The following SLC8A1 variants were observed in gnomAD, a reference collection of about 807,000 sequenced individuals.
SLC8A1 encodes the protein solute carrier family 8 member A1.
A neutral mutation model predicts 68.3 loss-of-function variants in SLC8A1; 18 were observed. The ratio of observed to expected loss-of-function variants is 0.26; its 90% CI spans 0.18 to 0.39. SLC8A1 has a LOEUF of 0.39. Among genes scored for constraint, SLC8A1 ranks in the 10% least tolerant of loss-of-function variants. The pLI, the probability that SLC8A1 is intolerant of heterozygous loss-of-function variation, is 1.00. For synonymous variants in SLC8A1, 475 were observed against 415.5 expected (o/e 1.14, Z -1.74); for missense variants, 985 against 1,156.7 (o/e 0.85, Z 2.15).
intron 2 of SLC8A1, among the ~76,000 whole-genome samples, chr2:40,314,726 C>G (rs78748297): frequency 1.4e-3 from 215 of 152,074 alleles, no homozygotes; most frequent in African/African-American, 4.9e-3. Flanking sequence ...ATCTTTTGGT[C>G]AGATTTATCC....
At chr2:40,310,461 AGAGAAAGAACAGTGGGT>A (rs1200601099) in intron 2 of SLC8A1, among the ~76,000 whole-genome samples, 1 of 152,208 alleles carries the variant, frequency 6.6e-6, no homozygotes, top group African/African-American at 2.4e-5. Context: ...ATCAATTAAG[AGAGAAAGAACAGTGGGT>A]GAGAAGAGGT....
intron 2 of SLC8A1, among the ~76,000 whole-genome samples, chr2:40,240,565 A>C (rs903178584): frequency 5.9e-5 from 9 of 152,212 alleles, no homozygotes; most frequent in African/African-American, 2.2e-4. Context: ...TCTATTGTTC[A>C]CATGTTTGGA....
intron 2 of SLC8A1, chr2:40,189,759 T>C (rs2148640132): frequency 6.6e-6 from 1 of 152,342 alleles, no homozygotes; most frequent in Non-Finnish European, 1.5e-5. Flanking sequence ...TTGCCAAGAA[T>C]ATTATGAATT....
chr2:40,174,793 G>A, intron 4 of SLC8A1, 32 bp downstream of exon 5: 4 of 1,604,942 alleles, frequency 2.5e-6, no homozygotes, highest in South Asian at 2.2e-5. Context: ...GACAGTAAAA[G>A]TTAGATAGCA....
At chr2:40,282,143 T>A (rs1263826806) in intron 2 of SLC8A1, among the ~76,000 whole-genome samples, 1 of 151,732 alleles carries the variant, frequency 6.6e-6, no homozygotes, top group Admixed American at 6.6e-5. Flanking sequence ...TTTTTCTGAC[T>A]TTTTTTTTCT....
At chr2:40,197,928 T>C (rs1462052312) in intron 2 of SLC8A1, among the ~76,000 whole-genome samples, 1 of 131,352 alleles carries the variant, frequency 7.6e-6, no homozygotes, top group East Asian at 2.1e-4. Context: ...GGGAATAGCT[T>C]TTGTGGAAAG....
chr2:40,239,918 A>C (rs1275426504), intron 2 of SLC8A1, among the ~76,000 whole-genome samples: 2 of 152,214 alleles, frequency 1.3e-5, no homozygotes, highest in African/African-American at 4.8e-5. Context: ...GAATATCTTA[A>C]TGTAAGAAGA....
At chr2:40,485,810 G>T (rs562907534) in intron 1 of SLC8A1, among the ~76,000 whole-genome samples, 16 of 152,092 alleles carry the variant, frequency 1.1e-4, no homozygotes, top group Non-Finnish European at 2.4e-4. Flanking sequence ...TTTATATGTA[G>T]CATTTTTTTT....
intron 2 of SLC8A1, among the ~76,000 whole-genome samples, chr2:40,255,977 G>T (rs1028488703): frequency 6.6e-6 from 1 of 152,156 alleles, no homozygotes; most frequent in Non-Finnish European, 1.5e-5. Context: ...TGGTACAGAG[G>T]TGTCAGTCTG....
chr2:40,398,745 A>G (rs1056678839), intron 2 of SLC8A1, among the ~76,000 whole-genome samples: 1 of 152,202 alleles, frequency 6.6e-6, no homozygotes, highest in Non-Finnish European at 1.5e-5. Context: ...AACCATCCCC[A>G]TATTGATATT....
At chr2:40,303,917 C>G (rs1156964217) in intron 2 of SLC8A1, among the ~76,000 whole-genome samples, 1 of 152,162 alleles carries the variant, frequency 6.6e-6, no homozygotes, top group East Asian at 1.9e-4. Context: ...GTCTGGGCAG[C>G]AGACAATTCT....
intron 2 of SLC8A1, among the ~76,000 whole-genome samples, chr2:40,253,150 C>CATATATATGTATATACGTATATGTAT (rs1289357303): frequency 9.8e-6 from 1 of 102,190 alleles, no homozygotes; most frequent in Non-Finnish European, 2.0e-5. Context: ...TATGTATATA[C>CATATATATGTATATACGTATATGTAT]ATACATATAT....
chr2:40,280,225 A>G (rs1369710242), intron 2 of SLC8A1, among the ~76,000 whole-genome samples: 5 of 146,334 alleles, frequency 3.4e-5, no homozygotes, highest in African/African-American at 5.0e-5. Flanking sequence ...AAAGAATCTA[A>G]TGATAAAACC....
At chr2:40,506,175 C>A (rs1706357258) in intron 1 of SLC8A1, among the ~76,000 whole-genome samples, 2 of 150,710 alleles carry the variant, frequency 1.3e-5, no homozygotes, top group Non-Finnish European at 3.0e-5. Context: ...TCTTTTCCAA[C>A]CAAATTTTGA....
chr2:40,362,105 G>A (rs1575701653), intron 2 of SLC8A1, among the ~76,000 whole-genome samples: 1 of 151,388 alleles, frequency 6.6e-6, no homozygotes, highest in Non-Finnish European at 1.5e-5. Context: ...ATGTTGGCCA[G>A]GCTGGTCTCG....
intron 2 of SLC8A1, among the ~76,000 whole-genome samples, chr2:40,289,495 C>G (rs898587434): frequency 1.3e-5 from 2 of 151,936 alleles, no homozygotes; most frequent in Non-Finnish European, 2.9e-5. Context: ...GCTACTGTCT[C>G]CAGACAATCC....
At position 40,255,603 on chromosome 2, in the gene SLC8A1, T is replaced by C. The variant is rs566559113; in HGVS notation, c.1809-77748A>G. 5.9e-5 allele frequency among the ~76,000 whole-genome samples: 9 copies of C among 152,298 alleles called. No individual in the cohort carries two copies. The South Asian group carries it at 1.9e-3, about 32-fold the overall frequency. ...TTACTTCACCTCTCTGGAGTTTATTTTTCTTATTTGTATAGTGAAGGCCTC... is the reference window on the plus strand; with the variant it reads ...TTACTTCACCTCTCTGGAGTTTATTCTTCTTATTTGTATAGTGAAGGCCTC... On this transcript the variant is annotated intron_variant, in intron 2 of 7. Transcript: ENST00000406785.
At chr2:40,140,229 T>A (rs990969349) in intron 6 of SLC8A1, among the ~76,000 whole-genome samples, 1 of 152,218 alleles carries the variant, frequency 6.6e-6, no homozygotes. Context: ...AGCCTTGGAA[T>A]TACTTGCCAA....
At chr2:40,200,123 A>G (rs371054548) in intron 2 of SLC8A1, among the ~76,000 whole-genome samples, 48 of 127,200 alleles carry the variant, frequency 3.8e-4, no homozygotes, top group African/African-American at 1.5e-3. Flanking sequence ...GCTGGCTTAC[A>G]ATCTACATAT....
Sources: allele counts gnomAD v4.1 joint callset (sites outside exome capture counted in the v4.1 genomes callset), GRCh38; gene constraint gnomAD v4.1.1; transcripts MANE v1.5; gene names NCBI Gene and HGNC (gene_info 2026-07-23, HGNC 2026-07-21).